ECHDC1: variants seen among roughly 807,000 people sequenced by gnomAD.
ECHDC1 encodes the protein ethylmalonyl-CoA decarboxylase 1.
A neutral mutation model predicts 29.7 loss-of-function variants in ECHDC1; 29 were observed. The observed-to-expected ratio is 0.98, with a 90% CI of 0.73 to 1.33. ECHDC1 has a LOEUF of 1.33. ECHDC1 is among the 40% of genes most tolerant of loss of function. ECHDC1 has a pLI of 0.00. For synonymous variants in ECHDC1, 126 were observed against 123.1 expected, an observed-to-expected ratio of 1.02 and a Z score of -0.15; for missense variants, 328 against 350.0, an observed-to-expected ratio of 0.94 and a Z score of 0.50.
intron 5 of ECHDC1, among the ~76,000 whole-genome samples, chr6:127,309,200 A>G (rs1781680494): frequency 1.3e-5 from 2 of 152,136 alleles, no homozygotes; most frequent in African/African-American, 4.8e-5. Flanking sequence ...CCTGACTTCA[A>G]ATTATACCAC....
Position 127,289,916 on chromosome 6 carries a change from GC to G in ECHDC1, c.858del (p.Pro287LeufsTer4), listed in dbSNP as rs749174640. The G allele has an allele frequency of 6.2e-7, 1 of 1,612,658 alleles. No individual in the cohort carries two copies. Among genetic ancestry groups the G allele is most frequent in the Admixed American group, 1.7e-5 (1 of 59,820 alleles). ...ERDLLGTVWG[G>X]PANLEAIAKK... The stretch of plus-strand genomic sequence containing the variant: ...TTAGCAATAGCCTCTAAATTTGCAG[GC>G]CCACCCCAAACTGTTCCTAAAAGAT... On this transcript the variant is annotated frameshift_variant, in exon 6 of 6. Transcript: ENST00000454859. LOFTEE classifies it high-confidence loss of function.
At chr6:127,338,267 T>G (rs1258994556) in intron 1 of ECHDC1, among the ~76,000 whole-genome samples, 1 of 152,204 alleles carries the variant, frequency 6.6e-6, no homozygotes, top group Non-Finnish European at 1.5e-5. Flanking sequence ...AAAGCATCTT[T>G]AAAAGTTTTC....
At chr6:127,335,782 T>C (rs1257635614) in intron 1 of ECHDC1, among the ~76,000 whole-genome samples, 1 of 152,130 alleles carries the variant, frequency 6.6e-6, no homozygotes, top group Non-Finnish European at 1.5e-5. Context: ...GGTCAAATGT[T>C]ACAAGTTGCA....
intron 3 of ECHDC1, among the ~76,000 whole-genome samples, chr6:127,324,653 A>G (rs949785729): frequency 3.9e-5 from 6 of 152,216 alleles, no homozygotes; most frequent in Admixed American, 3.9e-4. Context: ...GGAAAATACA[A>G]GATTAACTTG....
rs1582952555 is a variant in ECHDC1, at chr6:127,308,103, G to A, written c.497+6713C>T. Among the ~76,000 whole-genome samples the A allele has an allele frequency of 2.6e-5, 4 of 151,960 alleles. No homozygotes were observed. The South Asian group carries it at 6.2e-4, about 24-fold the overall frequency. ...ATGGCAATCCTACTCAAACTATTCC[G>A]ATATTCTGAAAAATAGAGGAGGGGA... On this transcript the variant is annotated intron_variant, in intron 5 of 5. Transcript: ENST00000454859.
At chr6:127,342,465 A>C in intron 1 of ECHDC1, 1 of 1,335,226 alleles carries the variant, frequency 7.5e-7, no homozygotes, top group Admixed American at 2.8e-5. Context: ...GAACCCAATA[A>C]AAAATCAAGA....
intron 4 of ECHDC1, 42 bp downstream of exon 4, chr6:127,316,408 T>G: frequency 6.6e-7 from 1 of 1,519,324 alleles, no homozygotes; most frequent in Non-Finnish European, 9.0e-7. Context: ...AAGCTATTTT[T>G]GGTCTTTTAG....
At chr6:127,341,852 G>A (rs1190849015) in intron 1 of ECHDC1, among the ~76,000 whole-genome samples, 2 of 152,216 alleles carry the variant, frequency 1.3e-5, no homozygotes, top group African/African-American at 2.4e-5. Flanking sequence ...CCTAGAGCAC[G>A]TAATAGAAAT....
chr6:127,304,201 A>G (rs976401306), intron 5 of ECHDC1, among the ~76,000 whole-genome samples: 3 of 152,206 alleles, frequency 2.0e-5, no homozygotes, highest in African/African-American at 7.2e-5. Context: ...GCAGAGAGAG[A>G]GAGAGATGTC....
At chr6:127,326,542 G>A (rs1447115131) in intron 3 of ECHDC1, 2 of 451,786 alleles carry the variant, frequency 4.4e-6, no homozygotes, top group Non-Finnish European at 9.3e-6. Context: ...GATGCAGGGT[G>A]TACAGGAACT....
intron 5 of ECHDC1, among the ~76,000 whole-genome samples, chr6:127,299,075 C>T (rs1260775868): frequency 6.6e-6 from 1 of 151,914 alleles, no homozygotes; most frequent in Non-Finnish European, 1.5e-5. Flanking sequence ...CTATGTTGCC[C>T]AGGCTGGTCT....
intron 5 of ECHDC1, among the ~76,000 whole-genome samples, chr6:127,304,951 C>T (rs997763196): frequency 1.2e-4 from 18 of 152,104 alleles, no homozygotes; most frequent in Admixed American, 1.0e-3. Context: ...GAGTTATTGG[C>T]CTTAAAGAAG....
intron 2 of ECHDC1, among the ~76,000 whole-genome samples, chr6:127,329,343 T>G (rs542818366): frequency 1.0e-4 from 15 of 146,338 alleles, no homozygotes; most frequent in South Asian, 4.4e-4. Flanking sequence ...AATCAAAGCA[T>G]TAGTTTTATA....
chr6:127,309,757 A>G (rs1336504331), intron 5 of ECHDC1, among the ~76,000 whole-genome samples: 1 of 152,212 alleles, frequency 6.6e-6, no homozygotes, highest in Non-Finnish European at 1.5e-5. Flanking sequence ...TATGGGAAGC[A>G]TGGCTGGGGA....
At chr6:127,309,901 C>T (rs1009573735) in intron 5 of ECHDC1, among the ~76,000 whole-genome samples, 12 of 152,102 alleles carry the variant, frequency 7.9e-5, no homozygotes, top group Admixed American at 1.3e-4. Flanking sequence ...TGAGAACTTA[C>T]GCACTTATCA....
chr6:127,289,695 A>G lies in ECHDC1; in HGVS notation c.*174T>C. ...AGATTACGCAGTAAATACCCAAGTG[A>G]GTAATTGGCAAGAAATGAGGTAAAT... On this transcript the variant is annotated 3_prime_UTR_variant, in exon 6 of 6. Transcript: ENST00000454859. 1 of 658,978 alleles carries G rather than the reference A, an allele frequency of 1.5e-6. No individual in the cohort carries two copies. The allele number at this position is 658,978 out of a possible 1,614,324, so 40.8% of individuals were successfully genotyped here.
intron 5 of ECHDC1, among the ~76,000 whole-genome samples, chr6:127,290,844 G>T (rs1780106383): frequency 6.6e-6 from 1 of 152,040 alleles, no homozygotes; most frequent in African/African-American, 2.4e-5. Flanking sequence ...TATAAAGTCA[G>T]TGGCAATGAG....
At chr6:127,340,877 T>C (rs1468012156) in intron 1 of ECHDC1, among the ~76,000 whole-genome samples, 1 of 152,126 alleles carries the variant, frequency 6.6e-6, no homozygotes, top group Non-Finnish European at 1.5e-5. Flanking sequence ...AAACAACATA[T>C]CTTCTGCTCT....
intron 5 of ECHDC1, among the ~76,000 whole-genome samples, chr6:127,311,297 G>T (rs1177679695): frequency 6.6e-6 from 1 of 152,166 alleles, no homozygotes; most frequent in Non-Finnish European, 1.5e-5. Flanking sequence ...AGTATATGTT[G>T]TCTACTAGAA....
Sources: allele counts gnomAD v4.1 joint callset (sites outside exome capture counted in the v4.1 genomes callset), GRCh38; gene constraint gnomAD v4.1.1; transcripts MANE v1.5; gene names NCBI Gene and HGNC (gene_info 2026-07-23, HGNC 2026-07-21).